MBD5: variants seen among roughly 807,000 people sequenced by gnomAD.
MBD5 encodes methyl-CpG binding domain protein 5, also known as methyl-CpG-binding domain protein 5.
MBD5 carries 13 observed loss-of-function variants against 117.3 expected under a neutral mutation model. That is an observed-to-expected ratio of 0.11 (90% CI 0.07 to 0.18). The LOEUF (loss-of-function observed/expected upper bound fraction) is 0.18. MBD5 is among the 10% of genes least tolerant of loss of function. The pLI, the probability that MBD5 is intolerant of heterozygous loss-of-function variation, is 1.00. For missense variants in MBD5, 1,879 were observed against 2,093.8 expected, an observed-to-expected ratio of 0.90 and a Z score of 2.00; for synonymous variants, 727 against 766.4, an observed-to-expected ratio of 0.95 and a Z score of 0.85.
chr2:148,468,620 C>T lies in MBD5; in HGVS notation c.677C>T (p.Ser226Leu), dbSNP rs1680672960. Reference protein sequence around the residue: ...GSHGGLPSPASSGSQIYGDGS... With the variant: ...GSHGGLPSPALSGSQIYGDGS... ...CATGGAGGCCTGCCCAGCCCAGCGT[C>T]ATCAGGTTCCCAGATATATGGAGAT... The change falls in exon 8 of 14, where the codon TCA (serine) becomes TTA (leucine). Residue 226 changes from serine (S) to leucine (L), a missense_variant. Physicochemically the swap from Ser to Leu is moderately radical, Grantham distance 145. Coordinates refer to ENST00000642680, the MANE Select transcript of MBD5 (RefSeq NM_001378120.1). 6.2e-7 allele frequency: 1 copy of T among 1,613,812 alleles called. No individual in the cohort carries two copies. Among genetic ancestry groups the T allele is most frequent in the Non-Finnish European group, 8.5e-7 (1 of 1,179,892 alleles).
At chr2:148,310,821 G>C (rs922756402) in intron 3 of MBD5, among the ~76,000 whole-genome samples, 3 of 152,022 alleles carry the variant, frequency 2.0e-5, no homozygotes, top group African/African-American at 7.2e-5. Context: ...CTTTAGTTTT[G>C]TCCCAGAGAT....
At chr2:148,487,669 A>G (rs887196445) in intron 10 of MBD5, among the ~76,000 whole-genome samples, 1 of 152,146 alleles carries the variant, frequency 6.6e-6, no homozygotes, top group African/African-American at 2.4e-5. Context: ...AGATGGCAAA[A>G]TGGAGGAACA....
At chr2:148,155,335 C>A (rs550790582) in intron 1 of MBD5, among the ~76,000 whole-genome samples, 1 of 152,240 alleles carries the variant, frequency 6.6e-6, no homozygotes, top group South Asian at 2.1e-4. Context: ...AGGAGTGTAC[C>A]TGGCATTTTG....
chr2:148,083,900 A>G (rs1237546353), intron 1 of MBD5, among the ~76,000 whole-genome samples: 1 of 152,196 alleles, frequency 6.6e-6, no homozygotes, highest in Non-Finnish European at 1.5e-5. Flanking sequence ...TGCTGGGATT[A>G]CAGGCATGAG....
At chr2:148,371,499 A>G (rs1703851913) in intron 4 of MBD5, among the ~76,000 whole-genome samples, 1 of 152,162 alleles carries the variant, frequency 6.6e-6, no homozygotes, top group African/African-American at 2.4e-5. Flanking sequence ...TCAACAACCA[A>G]CAGATGGAGA....
At chr2:148,509,773 A>G (rs1367947730) in intron 12 of MBD5, among the ~76,000 whole-genome samples, 1 of 152,224 alleles carries the variant, frequency 6.6e-6, no homozygotes, top group Non-Finnish European at 1.5e-5. Context: ...CCGTGGCCCA[A>G]CTTTCTTCCC....
chr2:148,334,351 A>G (rs1486259557), intron 3 of MBD5, among the ~76,000 whole-genome samples: 1 of 151,508 alleles, frequency 6.6e-6, no homozygotes, highest in Non-Finnish European at 1.5e-5. Context: ...TTTTTTTTTA[A>G]GAGACAAGGT....
Position 148,334,587 on chromosome 2 carries a change from A to AT in MBD5, c.-679-7624dup, listed in dbSNP as rs760593805. On this transcript the variant is annotated intron_variant, in intron 3 of 13. Coordinates refer to ENST00000642680, the MANE Select transcript of MBD5 (RefSeq NM_001378120.1). ...GGTCTCAAGTGATCCCCTTGCCTTG[A>AT]TTTGCCAAAGCACTAGGATTACAGA... Among the ~76,000 whole-genome samples the AT allele has an allele frequency of 3.6e-4, 54 of 152,108 alleles. No homozygotes were observed. In the Middle Eastern group the frequency reaches 0.017, roughly 48 times the overall value.
At chr2:148,230,568 A>C (rs1192537512) in intron 2 of MBD5, among the ~76,000 whole-genome samples, 1 of 152,142 alleles carries the variant, frequency 6.6e-6, no homozygotes, top group Non-Finnish European at 1.5e-5. Context: ...ACTAAGGTAC[A>C]AGACAAAGTT....
intron 1 of MBD5, among the ~76,000 whole-genome samples, chr2:148,147,426 G>C (rs1362200708): frequency 1.3e-5 from 2 of 151,078 alleles, no homozygotes; most frequent in Non-Finnish European, 2.9e-5. Flanking sequence ...ATTTTTAGTA[G>C]AGACGAGGTT....
At chr2:148,314,595 C>G (rs1702114490) in intron 3 of MBD5, among the ~76,000 whole-genome samples, 1 of 152,018 alleles carries the variant, frequency 6.6e-6, no homozygotes, top group African/African-American at 2.4e-5. Context: ...CCAGGCTGGT[C>G]TCTAACTCCT....
At chr2:148,175,610 A>C (rs1049087648) in intron 1 of MBD5, among the ~76,000 whole-genome samples, 3 of 152,154 alleles carry the variant, frequency 2.0e-5, no homozygotes, top group Admixed American at 2.0e-4. Flanking sequence ...TTAATTTCTG[A>C]GGCTTCCAGA....
chr2:148,181,696 T>G (rs1041886992), intron 2 of MBD5, among the ~76,000 whole-genome samples: 2 of 152,162 alleles, frequency 1.3e-5, no homozygotes, highest in African/African-American at 4.8e-5. Context: ...GTTCAATTGT[T>G]TTATAGGAAT....
chr2:148,025,857 T>C (rs1693877081), intron 1 of MBD5: 1 of 152,216 alleles, frequency 6.6e-6, no homozygotes, highest in African/African-American at 2.4e-5. Context: ...TAATTTTTAA[T>C]CTTTATTAAG....
At chr2:148,062,604 G>A (rs934294431) in intron 1 of MBD5, 1 of 151,938 alleles carries the variant, frequency 6.6e-6, no homozygotes, top group African/African-American at 2.4e-5. Context: ...TGTGATTACT[G>A]TTACAGGTGA....
chr2:148,163,185 TA>T (rs1698050335), intron 1 of MBD5, among the ~76,000 whole-genome samples: 1 of 152,230 alleles, frequency 6.6e-6, no homozygotes, highest in Non-Finnish European at 1.5e-5. Flanking sequence ...TTTTGGTTTT[TA>T]AAAAATGTTC....
chr2:148,140,394 G>A (rs1442105292), intron 1 of MBD5, among the ~76,000 whole-genome samples: 3 of 151,886 alleles, frequency 2.0e-5, no homozygotes, highest in Admixed American at 2.0e-4. Context: ...AAATTATGTT[G>A]TACATTTACT....
chr2:148,236,520 A>G (rs973099690), intron 3 of MBD5, among the ~76,000 whole-genome samples: 1 of 152,078 alleles, frequency 6.6e-6, no homozygotes, highest in African/African-American at 2.4e-5. Context: ...AGTGAGTATA[A>G]TTTTTCCAAA....
At chr2:148,372,294 C>A (rs982745983) in intron 4 of MBD5, among the ~76,000 whole-genome samples, 5 of 152,072 alleles carry the variant, frequency 3.3e-5, no homozygotes, top group South Asian at 2.1e-4. Flanking sequence ...ATCTTATCAT[C>A]TACATTAGAG....
Sources: allele counts gnomAD v4.1 joint callset (sites outside exome capture counted in the v4.1 genomes callset), GRCh38; gene constraint gnomAD v4.1.1; transcripts MANE v1.5; gene names NCBI Gene and HGNC (gene_info 2026-07-23, HGNC 2026-07-21).